SPICE1: variants seen among roughly 807,000 people sequenced by gnomAD.
SPICE1 encodes spindle and centriole associated protein 1, also known as spindle and centriole-associated protein 1.
Under a neutral mutation model 102.7 loss-of-function variants are expected in SPICE1, and 75 were observed. That is an observed-to-expected ratio of 0.73 (90% CI 0.61 to 0.88). The LOEUF (loss-of-function observed/expected upper bound fraction) is 0.88. Ranked by LOEUF, SPICE1 falls within the 40% of genes least tolerant of loss-of-function variation. The pLI is 0.00. For synonymous variants in SPICE1, 308 were observed against 350.3 expected, an observed-to-expected ratio of 0.88 and a Z score of 1.35; for missense variants, 979 against 1,020.1, an observed-to-expected ratio of 0.96 and a Z score of 0.55.
intron 2 of SPICE1, 118 bp downstream of exon 2, chr3:113,506,389 T>C: frequency 1.3e-6 from 1 of 777,014 alleles, no homozygotes; most frequent in Non-Finnish European, 2.1e-6. Flanking sequence ...AGAAACCTAT[T>C]CCACCCTATT....
intron 4 of SPICE1, among the ~76,000 whole-genome samples, chr3:113,494,418 C>A (rs1037988977): frequency 2.6e-5 from 4 of 152,020 alleles, no homozygotes; most frequent in African/African-American, 9.7e-5. Flanking sequence ...GAGGCCGAGG[C>A]GGGCGGATCA....
In SPICE1 at chr3:113,465,135, C is replaced by T. The variant is rs187163733; in HGVS notation, c.1287+518G>A. Among the ~76,000 whole-genome samples the T allele has an allele frequency of 3.1e-4, 47 of 151,558 alleles. No individual in the cohort carries two copies. In the East Asian group the frequency reaches 7.2e-3, roughly 23 times the overall value. ...AAAAAAAGTTCACAAAGGAAGAATGCTCAATGCAGCATGGAAGCAATAGGT... is the reference window on the plus strand; with the variant it reads ...AAAAAAAGTTCACAAAGGAAGAATGTTCAATGCAGCATGGAAGCAATAGGT... On this transcript the variant is annotated intron_variant, in intron 11 of 17. Transcript: ENST00000295872.
intron 7 of SPICE1, among the ~76,000 whole-genome samples, chr3:113,475,924 G>A (rs1245467403): frequency 6.6e-6 from 1 of 152,132 alleles, no homozygotes; most frequent in Admixed American, 6.5e-5. Context: ...AGTGTTGGAA[G>A]TTCTGGCCAG....
chr3:113,474,211 G>A (rs1418059908), intron 7 of SPICE1, among the ~76,000 whole-genome samples: 2 of 151,776 alleles, frequency 1.3e-5, no homozygotes, highest in African/African-American at 4.8e-5. Flanking sequence ...TAATGGTAAA[G>A]GGATCAATTC....
At chr3:113,490,237 T>C (rs906031320) in intron 6 of SPICE1, among the ~76,000 whole-genome samples, 2 of 152,198 alleles carry the variant, frequency 1.3e-5, no homozygotes, top group Non-Finnish European at 2.9e-5. Context: ...AATGTTTTTA[T>C]CTAATTCCAA....
At chr3:113,506,402 G>T in intron 2 of SPICE1, 105 bp downstream of exon 2, 2 of 866,658 alleles carry the variant, frequency 2.3e-6, no homozygotes, top group South Asian at 1.6e-5. Flanking sequence ...ACCCTATTAC[G>T]TGATGAGCCC....
intron 3 of SPICE1, among the ~76,000 whole-genome samples, chr3:113,502,362 T>G (rs948968096): frequency 6.6e-5 from 10 of 152,128 alleles, no homozygotes; most frequent in Middle Eastern, 3.2e-3. Context: ...CTTGAAAATA[T>G]TATGCTAAGA....
intron 6 of SPICE1, among the ~76,000 whole-genome samples, chr3:113,490,129 T>C (rs1210161253): frequency 6.6e-6 from 1 of 152,206 alleles, no homozygotes; most frequent in Non-Finnish European, 1.5e-5. Flanking sequence ...AAAGCAAATC[T>C]AGCAACCACA....
At chr3:113,480,203 G>C (rs1158088378) in intron 7 of SPICE1, among the ~76,000 whole-genome samples, 1 of 151,238 alleles carries the variant, frequency 6.6e-6, no homozygotes, top group Non-Finnish European at 1.5e-5. Context: ...AACAAGCAAA[G>C]TTACTATGGC....
intron 7 of SPICE1, among the ~76,000 whole-genome samples, chr3:113,484,992 C>G (rs1446132869): frequency 6.6e-6 from 1 of 151,934 alleles, no homozygotes; most frequent in Non-Finnish European, 1.5e-5. Flanking sequence ...CCAAGGGAAT[C>G]CAGGAGGGAC....
At chr3:113,455,173 G>T (rs1420881365) in intron 13 of SPICE1, among the ~76,000 whole-genome samples, 1 of 152,086 alleles carries the variant, frequency 6.6e-6, no homozygotes, top group Non-Finnish European at 1.5e-5. Context: ...TAAATTGACA[G>T]TACTTTTTAA....
chr3:113,501,801 G>A (rs1471139737), intron 3 of SPICE1, among the ~76,000 whole-genome samples: 5 of 152,172 alleles, frequency 3.3e-5, no homozygotes, highest in East Asian at 1.9e-4. Context: ...ACATGCTGGC[G>A]GGGATGTAAA....
chr3:113,450,986 G>T (rs771896855), intron 14 of SPICE1, among the ~76,000 whole-genome samples: 5 of 152,168 alleles, frequency 3.3e-5, no homozygotes, highest in Admixed American at 1.3e-4. Context: ...CTGCAGAGCT[G>T]CACAAAAGAT....
chr3:113,471,703 A>G (rs551256699), intron 7 of SPICE1, among the ~76,000 whole-genome samples: 4 of 152,350 alleles, frequency 2.6e-5, no homozygotes, highest in Middle Eastern at 3.4e-3. Flanking sequence ...AGCAAAATAT[A>G]TAACTAAAAA....
chr3:113,503,360 T>A, intron 2 of SPICE1, 133 bp from the exon 3 acceptor site: 2 of 796,838 alleles, frequency 2.5e-6, no homozygotes, highest in South Asian at 2.1e-5. Flanking sequence ...TAGGAACCAG[T>A]ATTCTCAATT....
chr3:113,468,135 T>C lies in SPICE1; in HGVS notation c.1155+4A>G. 6.2e-7 allele frequency: 1 copy of C among 1,614,056 alleles called. No homozygotes were observed. Among genetic ancestry groups the C allele is most frequent in the East Asian group, 2.2e-5 (1 of 44,876 alleles). On this transcript the variant is annotated splice_donor_region_variant and intron_variant, in intron 10 of 17. Coordinates refer to ENST00000295872, the MANE Select transcript of SPICE1 (RefSeq NM_144718.4). ...AGAAGACTCTACTAACCTAATGTCC[T>C]TACCTCTTTAAGGTACCGAACCAGG...
intron 1 of SPICE1, among the ~76,000 whole-genome samples, chr3:113,514,213 A>C (rs1409904271): frequency 6.6e-6 from 1 of 152,218 alleles, no homozygotes; most frequent in Non-Finnish European, 1.5e-5. Flanking sequence ...TAGTCTTGTG[A>C]GCCACAGCAA....
intron 16 of SPICE1, 84 bp downstream of exon 16, chr3:113,447,954 T>C: frequency 1.5e-6 from 2 of 1,290,404 alleles, no homozygotes; most frequent in Non-Finnish European, 1.1e-6. Flanking sequence ...TACTGTACAC[T>C]TCCTTTTTTC....
chr3:113,494,889 A>G (rs1936847877), intron 4 of SPICE1, among the ~76,000 whole-genome samples: 2 of 152,238 alleles, frequency 1.3e-5, no homozygotes, highest in Non-Finnish European at 2.9e-5. Flanking sequence ...GATGAAAGAT[A>G]TGAATCTTTG....
Sources: gnomAD v4.1 joint callset for allele counts (sites outside exome capture counted in the v4.1 genomes callset) on GRCh38, gnomAD v4.1.1 for gene constraint, MANE v1.5 for transcripts, NCBI Gene and HGNC (gene_info 2026-07-23, HGNC 2026-07-21) for gene names.